The following PRDM16 variants were observed in gnomAD, a reference collection of about 807,000 sequenced individuals.
PRDM16 encodes the protein PR/SET domain 16, also known as histone-lysine N-methyltransferase PRDM16.
A neutral mutation model predicts 110.6 loss-of-function variants in PRDM16; 23 were observed. That is an observed-to-expected ratio of 0.21 (90% CI 0.15 to 0.29). The LOEUF (loss-of-function observed/expected upper bound fraction) is 0.29. PRDM16 is among the 10% of genes least tolerant of loss of function. The pLI is 1.00. For synonymous variants in PRDM16, 799 were observed against 781.8 expected (o/e 1.02, Z -0.37); for missense variants, 1,615 against 1,794.3 (o/e 0.90, Z 1.81).
intron 3 of PRDM16, among the ~76,000 whole-genome samples, chr1:3,333,219 A>G (rs1642079126): frequency 6.6e-6 from 1 of 152,188 alleles, no homozygotes; most frequent in Non-Finnish European, 1.5e-5. Flanking sequence ...GTCCCTCTGC[A>G]TCAGACACAG....
chr1:3,250,658 T>A (rs576562090), intron 3 of PRDM16, among the ~76,000 whole-genome samples: 1 of 152,324 alleles, frequency 6.6e-6, no homozygotes, highest in South Asian at 2.1e-4. Flanking sequence ...CTGAGGTGGC[T>A]TCCTTTCTGC....
At chr1:3,219,379 A>G (rs1347564040) in intron 2 of PRDM16, among the ~76,000 whole-genome samples, 1 of 152,246 alleles carries the variant, frequency 6.6e-6, no homozygotes, top group African/African-American at 2.4e-5. Flanking sequence ...GACTGGCCAC[A>G]GCGCTAAATT....
intron 3 of PRDM16, among the ~76,000 whole-genome samples, chr1:3,286,898 G>A (rs1473355930): frequency 1.3e-5 from 2 of 151,506 alleles, no homozygotes; most frequent in Non-Finnish European, 2.9e-5. Flanking sequence ...AGCTGGGTCT[G>A]CCCACCCTTC....
At position 3,405,452 on chromosome 1, in the gene PRDM16, G is replaced by A. The variant is rs377761563; in HGVS notation, c.1033-43G>A. 3.3e-6 allele frequency: 5 copies of A among 1,510,222 alleles called. No homozygotes were observed. The African/African-American group carries it at 4.2e-5, about 13-fold the overall frequency. 93.6% of individuals were successfully genotyped at this position (1,510,222 alleles called of 1,614,324 possible). ...CGCCAGCCAGAACCAGGCCAAGGCG[G>A]GTGTCCAGGCAGGGCACGCGCCAAC... On this transcript the variant is annotated intron_variant, in intron 7 of 16. Transcript: ENST00000270722.
intron 10 of PRDM16, among the ~76,000 whole-genome samples, chr1:3,415,659 G>A (rs148094929): frequency 5.3e-5 from 8 of 152,260 alleles, no homozygotes; most frequent in African/African-American, 7.2e-5. Context: ...GGAGCAAGCC[G>A]GGCGGGAGAG....
At chr1:3,304,853 G>T (rs577357649) in intron 3 of PRDM16, among the ~76,000 whole-genome samples, 2 of 152,140 alleles carry the variant, frequency 1.3e-5, no homozygotes, top group African/African-American at 4.8e-5. Flanking sequence ...CACCACAGTT[G>T]TGGAGGAGCC....
At chr1:3,410,914 C>T (rs993791954) in intron 8 of PRDM16, among the ~76,000 whole-genome samples, 15 of 152,142 alleles carry the variant, frequency 9.9e-5, no homozygotes, top group African/African-American at 2.9e-4. Flanking sequence ...CTAGCAACAC[C>T]GTGGGGTAGG....
intron 4 of PRDM16, among the ~76,000 whole-genome samples, chr1:3,387,504 C>T (rs940030280): frequency 2.0e-5 from 3 of 152,210 alleles, no homozygotes; most frequent in Admixed American, 6.5e-5. Context: ...CCTTCCCCTC[C>T]GACAGGGAGA....
chr1:3,126,501 C>T (rs1643212039), intron 1 of PRDM16, among the ~76,000 whole-genome samples: 1 of 152,214 alleles, frequency 6.6e-6, no homozygotes, highest in African/African-American at 2.4e-5. Context: ...CAGGTCAGAT[C>T]AGGTGGACCC....
chr1:3,095,633 G>GACCCCTGTGCTGCCCTGAGACACAGCC (rs1642378462), intron 1 of PRDM16, among the ~76,000 whole-genome samples: 1 of 152,128 alleles, frequency 6.6e-6, no homozygotes, highest in Non-Finnish European at 1.5e-5. Flanking sequence ...ATGCCCTAGG[G>GACCCCTGTGCTGCCCTGAGACACAGCC]ACCCCTGTGC....
In PRDM16 at chr1:3,143,823, A is replaced by C. The variant is rs527942872; in HGVS notation, c.38-42302A>C. On this transcript the variant is annotated intron_variant, in intron 1 of 16. Coordinates refer to ENST00000270722, the MANE Select transcript of PRDM16 (RefSeq NM_022114.4). This position sits in a 1 kb window ranked among gnomAD's most constrained non-coding sequence, Gnocchi z 4.5. Reference sequence around the variant, plus strand: ...GAGGCCCAGAGTGCAGGTGTGTGTCACACACCTCTGGTCTGCAGCCCCTGG... The same window carrying C: ...GAGGCCCAGAGTGCAGGTGTGTGTCCCACACCTCTGGTCTGCAGCCCCTGG... Among the ~76,000 whole-genome samples, 75 of 152,196 alleles carry C rather than the reference A, an allele frequency of 4.9e-4. No homozygotes were observed. Among genetic ancestry groups the C allele is most frequent in the African/African-American group, 1.7e-3 (69 of 41,522 alleles).
At chr1:3,415,790 G>A (rs1046740443) in intron 10 of PRDM16, among the ~76,000 whole-genome samples, 4 of 152,240 alleles carry the variant, frequency 2.6e-5, no homozygotes, top group Non-Finnish European at 4.4e-5. Context: ...GCCAGGAGGT[G>A]GGGGGCGGGA....
At chr1:3,268,410 T>G (rs1306126885) in intron 3 of PRDM16, among the ~76,000 whole-genome samples, 1 of 152,160 alleles carries the variant, frequency 6.6e-6, no homozygotes. Flanking sequence ...ATAATTAACG[T>G]GTGCACTTCG....
At chr1:3,076,910 G>T (rs1017183840) in intron 1 of PRDM16, among the ~76,000 whole-genome samples, 1 of 152,076 alleles carries the variant, frequency 6.6e-6, no homozygotes. Context: ...GGGTGTTTTT[G>T]GGGGGGACAC....
chr1:3,196,110 C>T (rs1638467934), intron 2 of PRDM16, among the ~76,000 whole-genome samples: 1 of 152,136 alleles, frequency 6.6e-6, no homozygotes, highest in Non-Finnish European at 1.5e-5. Context: ...AGCAGGAGCT[C>T]ACTGGGGGCA....
At position 3,213,809 on chromosome 1, in the gene PRDM16, G is replaced by T. The variant is rs538630807; in HGVS notation, c.387+27335G>T. The stretch of plus-strand genomic sequence containing the variant: ...AGGTCAGCCAGGGCCGTAGACCAAG[G>T]ACTCCCGAGGCCAAGCCGGTGCCTT... On this transcript the variant is annotated intron_variant, in intron 2 of 16. Coordinates refer to ENST00000270722, the MANE Select transcript of PRDM16 (RefSeq NM_022114.4). The surrounding 1 kb of genome is among the most constrained non-coding windows in gnomAD (Gnocchi z 5.3). 2.6e-5 allele frequency among the ~76,000 whole-genome samples: 4 copies of T among 152,206 alleles called. No homozygotes were observed. Among genetic ancestry groups the T allele is most frequent in the African/African-American group, 9.6e-5 (4 of 41,534 alleles).
intron 5 of PRDM16, among the ~76,000 whole-genome samples, chr1:3,399,509 G>A (rs1466310561): frequency 6.6e-6 from 1 of 152,168 alleles, no homozygotes; most frequent in Non-Finnish European, 1.5e-5. Flanking sequence ...GGGCAGGCCA[G>A]GCTCAGGTGT....
intron 1 of PRDM16, among the ~76,000 whole-genome samples, chr1:3,173,462 G>C (rs1644051267): frequency 6.6e-6 from 1 of 152,264 alleles, no homozygotes; most frequent in African/African-American, 2.4e-5. Context: ...TCGGCTTTAG[G>C]TAGGGCCAGG....
rs1414889858 is a variant in PRDM16 at position 3,356,196 on chromosome 1, C to T, written c.439-28956C>T. Among the ~76,000 whole-genome samples the T allele has an allele frequency of 2.0e-5, 3 of 152,212 alleles. No individual in the cohort carries two copies. In the East Asian group the frequency reaches 5.8e-4, roughly 29 times the overall value. On this transcript the variant is annotated intron_variant, in intron 3 of 16. Coordinates refer to ENST00000270722, the MANE Select transcript of PRDM16 (RefSeq NM_022114.4). The stretch of plus-strand genomic sequence containing the variant: ...CCTTTCGCACACCAGCACGCGGGCA[C>T]AGATGAATCACGCAGGGGGCTTGAG...
Sources: gnomAD v4.1 joint callset for allele counts (sites outside exome capture counted in the v4.1 genomes callset) on GRCh38, gnomAD v4.1.1 for gene constraint, Gnocchi (gnomAD v3.1) non-coding constraint, MANE v1.5 for transcripts, NCBI Gene and HGNC (gene_info 2026-07-23, HGNC 2026-07-21) for gene names.